The following UGT1A8 variants were observed in gnomAD, a reference collection of about 807,000 sequenced individuals.
UGT1A8 encodes the protein UDP-glucuronosyltransferase 1A8.
Under a neutral mutation model 45.3 loss-of-function variants are expected in UGT1A8, and 39 were observed. The ratio of observed to expected loss-of-function variants is 0.86; its 90% CI spans 0.67 to 1.12. UGT1A8 has a LOEUF of 1.12. Ranked by LOEUF, UGT1A8 falls within the 50% of genes most tolerant of loss-of-function variation. The pLI is 0.00. For missense variants in UGT1A8, 719 were observed against 664.9 expected (o/e 1.08, Z -0.90); for synonymous variants, 275 against 249.2 (o/e 1.10, Z -0.97).
At chr2:233,667,540 A>T (rs2074103830) in intron 1 of UGT1A8, among the ~76,000 whole-genome samples, 1 of 152,214 alleles carries the variant, frequency 6.6e-6, no homozygotes, top group Admixed American at 6.5e-5. Context: ...ATGGGATCTC[A>T]TTAAACTAAA....
intron 1 of UGT1A8, among the ~76,000 whole-genome samples, chr2:233,748,531 T>G (rs1693967271): frequency 6.6e-6 from 1 of 151,738 alleles, no homozygotes; most frequent in African/African-American, 2.4e-5. Flanking sequence ...GATAGAGAGG[T>G]GACCACAGGA....
intron 1 of UGT1A8, among the ~76,000 whole-genome samples, chr2:233,714,489 G>A (rs1410675106): frequency 1.3e-5 from 2 of 152,138 alleles, no homozygotes; most frequent in East Asian, 3.9e-4. Flanking sequence ...TTCTTGTGAA[G>A]ACACTACTTA....
At chr2:233,646,217 C>G (rs1482373544) in intron 1 of UGT1A8, among the ~76,000 whole-genome samples, 3 of 152,194 alleles carry the variant, frequency 2.0e-5, no homozygotes, top group Non-Finnish European at 4.4e-5. Flanking sequence ...CTGCACACAG[C>G]AGGGGGCCCT....
At chr2:233,719,782 T>C in intron 1 of UGT1A8, 1 of 1,610,592 alleles carries the variant, frequency 6.2e-7, no homozygotes. Flanking sequence ...TACTTATCTT[T>C]CCAAAGATTT....
At chr2:233,619,188 C>A (rs1241310006) in intron 1 of UGT1A8, among the ~76,000 whole-genome samples, 1 of 152,046 alleles carries the variant, frequency 6.6e-6, no homozygotes, top group African/African-American at 2.4e-5. Flanking sequence ...TTATGCTGTG[C>A]TGGACATATT....
chr2:233,721,629 A>T (rs923769431), intron 1 of UGT1A8: 2 of 200,638 alleles, frequency 1.0e-5, no homozygotes, highest in East Asian at 1.5e-4. Context: ...ATCAGTAAAG[A>T]TCATCTTGAA....
chr2:233,769,698 G>T lies in UGT1A8; in HGVS notation c.1295+1259G>T. 1.3e-6 allele frequency: 2 copies of T among 1,529,982 alleles called. No individual in the cohort carries two copies. Among genetic ancestry groups the T allele is most frequent in the Non-Finnish European group, 1.8e-6 (2 of 1,137,522 alleles). The allele number at this position is 1,529,982 out of a possible 1,614,324, so 94.8% of individuals were successfully genotyped here. A position where few individuals can be genotyped will look rare whatever the true frequency, so the allele number is the denominator to read the frequency against. On this transcript the variant is annotated intron_variant, in intron 4 of 4. Coordinates refer to ENST00000373450, the MANE Select transcript of UGT1A8 (RefSeq NM_019076.5). The surrounding 1 kb of genome is among the most constrained non-coding windows in gnomAD (Gnocchi z 4.4). ...GTGTGTGTGGTGGCACTGGATAAAA[G>T]ATCAATGTTGGCTAGGCACCATGGC...
intron 1 of UGT1A8, among the ~76,000 whole-genome samples, chr2:233,619,733 G>A (rs777189661): frequency 1.9e-4 from 29 of 151,834 alleles, no homozygotes; most frequent in East Asian, 1.7e-3. Context: ...TGGTTTTTGC[G>A]TATGTATCTT....
At chr2:233,753,951 A>G (rs1466645267) in intron 1 of UGT1A8, among the ~76,000 whole-genome samples, 1 of 152,178 alleles carries the variant, frequency 6.6e-6, no homozygotes, top group Non-Finnish European at 1.5e-5. Flanking sequence ...ATGACCTCCA[A>G]AATATTAAGA....
chr2:233,649,898 CT>C (rs957959321), intron 1 of UGT1A8, among the ~76,000 whole-genome samples: 22 of 152,096 alleles, frequency 1.4e-4, no homozygotes, highest in African/African-American at 5.3e-4. Flanking sequence ...TGTGCTTTGT[CT>C]TCATTATCAT....
At chr2:233,652,386 C>T (rs2073762631) in intron 1 of UGT1A8, among the ~76,000 whole-genome samples, 1 of 152,068 alleles carries the variant, frequency 6.6e-6, no homozygotes, top group Admixed American at 6.6e-5. Context: ...ATTCATGTAT[C>T]TGCTCTTTTG....
rs894472929 is a variant in UGT1A8 at position 233,670,533 on chromosome 2, A to T, written c.855+51971A>T. Among the ~76,000 whole-genome samples, 3 of 152,208 alleles carry T rather than the reference A, an allele frequency of 2.0e-5. No individual in the cohort carries two copies. The East Asian group carries it at 5.8e-4, about 29-fold the overall frequency. On this transcript the variant is annotated intron_variant, in intron 1 of 4. Coordinates refer to ENST00000373450, the MANE Select transcript of UGT1A8 (RefSeq NM_019076.5). ...GGAAGCCTTTGCCAAACTGTTTAAT[A>T]GGAATTTGTTTTCTGGCATGGCTTC... is the stretch of plus-strand genomic sequence containing the variant.
intron 1 of UGT1A8, among the ~76,000 whole-genome samples, chr2:233,696,959 T>C (rs1025809299): frequency 1.3e-5 from 2 of 152,172 alleles, no homozygotes; most frequent in Admixed American, 6.5e-5. Flanking sequence ...CTTTTTAACA[T>C]ATTATTGGAT....
intron 1 of UGT1A8, among the ~76,000 whole-genome samples, chr2:233,688,830 A>G (rs2074915301): frequency 6.6e-6 from 1 of 152,166 alleles, no homozygotes; most frequent in African/African-American, 2.4e-5. Flanking sequence ...ACTTTGAAAG[A>G]AAAGGATGTA....
intron 1 of UGT1A8, among the ~76,000 whole-genome samples, chr2:233,620,518 T>C (rs1476743312): frequency 6.6e-6 from 1 of 152,060 alleles, no homozygotes; most frequent in Non-Finnish European, 1.5e-5. Flanking sequence ...GAGATATCCA[T>C]AAAAAAAGGA....
intron 1 of UGT1A8, among the ~76,000 whole-genome samples, chr2:233,630,176 G>A (rs1018096242): frequency 6.6e-6 from 1 of 151,958 alleles, no homozygotes; most frequent in Non-Finnish European, 1.5e-5. Context: ...TCTGAAGTAA[G>A]CCTCCAGGGG....
chr2:233,681,072 T>C (rs925995500), intron 1 of UGT1A8, among the ~76,000 whole-genome samples: 1 of 151,736 alleles, frequency 6.6e-6, no homozygotes, highest in South Asian at 2.1e-4. Context: ...TGTGTCACAA[T>C]TGTGGCTCAC....
intron 1 of UGT1A8, chr2:233,682,362 T>G (rs747551450): frequency 1.2e-6 from 2 of 1,614,152 alleles, no homozygotes; most frequent in Non-Finnish European, 1.7e-6. Flanking sequence ...GAGAGTTGTT[T>G]TGATGCAGTG....
intron 1 of UGT1A8, among the ~76,000 whole-genome samples, chr2:233,734,381 T>A (rs1311461253): frequency 1.3e-5 from 2 of 152,186 alleles, no homozygotes; most frequent in Non-Finnish European, 2.9e-5. Context: ...TTGCCTTTAC[T>A]ATTTTTTATT....
Sources: gnomAD v4.1 joint callset for allele counts (sites outside exome capture counted in the v4.1 genomes callset) on GRCh38, gnomAD v4.1.1 for gene constraint, Gnocchi (gnomAD v3.1) non-coding constraint, MANE v1.5 for transcripts, NCBI Gene and HGNC (gene_info 2026-07-23, HGNC 2026-07-21) for gene names.